The following CRACDL variants were observed in gnomAD, a reference collection of about 807,000 sequenced individuals.
The protein encoded by CRACDL is CRACD-like protein.
In CRACDL, 26 loss-of-function variants were observed where a neutral mutation model predicts 70.6. That is an observed-to-expected ratio of 0.37 (90% CI 0.27 to 0.51). The LOEUF is 0.51. Ranked by LOEUF, CRACDL falls within the 20% of genes least tolerant of loss-of-function variation. CRACDL has a pLI of 0.94. For missense variants in CRACDL, 1,283 were observed against 1,376.9 expected (o/e 0.93, Z 1.08); for synonymous variants, 618 against 615.2 (o/e 1.00, Z -0.07).
intron 1 of CRACDL, among the ~76,000 whole-genome samples, chr2:98,853,665 C>T (rs1706574281): frequency 1.3e-5 from 2 of 151,916 alleles, no homozygotes; most frequent in Admixed American, 1.3e-4. Flanking sequence ...TATTTAAATG[C>T]ATATAACAAC....
intron 1 of CRACDL, among the ~76,000 whole-genome samples, chr2:98,891,054 A>AAAATAAAT (rs542567722): frequency 3.3e-5 from 5 of 151,684 alleles, no homozygotes; most frequent in African/African-American, 7.3e-5. Flanking sequence ...CTCCATCTCA[A>AAAATAAAT]AAATAAATAA....
At chr2:98,902,907 G>T (rs1708316921) in intron 1 of CRACDL, among the ~76,000 whole-genome samples, 1 of 152,074 alleles carries the variant, frequency 6.6e-6, no homozygotes, top group African/African-American at 2.4e-5. Context: ...TTAGGAAAAC[G>T]AACCGACTGT....
At chr2:98,904,223 T>C (rs962961189) in intron 1 of CRACDL, among the ~76,000 whole-genome samples, 1 of 152,212 alleles carries the variant, frequency 6.6e-6, no homozygotes, top group African/African-American at 2.4e-5. Context: ...TTGCAATCCC[T>C]TTCCTTACTT....
rs539713404 is a variant in CRACDL at position 98,936,093 on chromosome 2, C to A, written c.-166G>T. 1.3e-5 allele frequency: 2 copies of A among 151,920 alleles called. No homozygotes were observed. The highest frequency in any genetic ancestry group is 1.3e-4 in the Admixed American group (2 of 15,272). 9.4% of individuals were successfully genotyped at this position (151,920 alleles called of 1,614,324 possible). ...AGGTGGCCGCGCGGCCTCCAGACAGCCCGGGTCTGCGGCCGAAGAGCTGGA... is the reference window on the plus strand; with the variant it reads ...AGGTGGCCGCGCGGCCTCCAGACAGACCGGGTCTGCGGCCGAAGAGCTGGA... On this transcript the variant is annotated 5_prime_UTR_variant, in exon 1 of 10. Transcript: ENST00000397899.
intron 1 of CRACDL, among the ~76,000 whole-genome samples, chr2:98,932,993 G>T (rs570843755): frequency 6.6e-6 from 1 of 152,320 alleles, no homozygotes; most frequent in African/African-American, 2.4e-5. Flanking sequence ...TTCTTGTCCT[G>T]CTTCCTGTGG....
chr2:98,929,343 G>A (rs1164645709), intron 1 of CRACDL, among the ~76,000 whole-genome samples: 2 of 152,174 alleles, frequency 1.3e-5, no homozygotes, highest in East Asian at 1.9e-4. Context: ...TGGCCCCTGT[G>A]CCCACCGCAC....
chr2:98,816,742 T>C lies in CRACDL; in HGVS notation c.2416+5115A>G, dbSNP rs1402139857. On this transcript the variant is annotated intron_variant, in intron 7 of 9. Coordinates refer to ENST00000397899, the MANE Select transcript of CRACDL (RefSeq NM_207362.3). ...AGGAAAGAGGCAGGGAAACAGAGGT[T>C]ACAGTGTTGATGACACTTGCTCAGA... is the stretch of plus-strand genomic sequence containing the variant. Among the ~76,000 whole-genome samples, 5 of 152,170 alleles carry C rather than the reference T, an allele frequency of 3.3e-5. No homozygotes were observed. The South Asian group carries it at 1.0e-3, about 32-fold the overall frequency.
Position 98,796,411 on chromosome 2 carries a change from C to G in CRACDL, c.2605-147G>C. On this transcript the variant is annotated intron_variant, in intron 8 of 9. Transcript: ENST00000397899. ...GGGAGGGCGCCCTGGTGTCAGCTCACTAACACCGAGTGGTCAGATGCTGGC... is the reference window on the plus strand; with the variant it reads ...GGGAGGGCGCCCTGGTGTCAGCTCAGTAACACCGAGTGGTCAGATGCTGGC... 3 of 724,868 alleles carry G rather than the reference C, an allele frequency of 4.1e-6. No homozygotes were observed. In the Middle Eastern group the frequency reaches 1.2e-3, roughly 288 times the overall value. 44.9% of individuals were successfully genotyped at this position (724,868 alleles called of 1,614,324 possible).
At chr2:98,848,587 C>A (rs547356049) in intron 1 of CRACDL, among the ~76,000 whole-genome samples, 1 of 152,272 alleles carries the variant, frequency 6.6e-6, no homozygotes, top group East Asian at 1.9e-4. Flanking sequence ...GCAGCTATCA[C>A]CTGAATTATC....
chr2:98,827,137 G>A lies in CRACDL; in HGVS notation c.573C>T (p.Asp191=). ...CTGAGATCCGGGCAGAGACGGTGCTGTCGCTCACGTGGTCTGGAGACACGA... is the reference window on the plus strand; with the variant it reads ...CTGAGATCCGGGCAGAGACGGTGCTATCGCTCACGTGGTCTGGAGACACGA... ...VSVVSPDHVS[D]STVSARISDN... The change falls in exon 6 of 10, where the codon GAC becomes GAT. Residue 191 remains aspartate, a synonymous_variant. Coordinates refer to ENST00000397899, the MANE Select transcript of CRACDL (RefSeq NM_207362.3). 6.2e-7 allele frequency: 1 copy of A among 1,614,104 alleles called. No individual in the cohort carries two copies. The highest frequency in any genetic ancestry group is 8.5e-7 in the Non-Finnish European group (1 of 1,179,988).
intron 7 of CRACDL, among the ~76,000 whole-genome samples, chr2:98,802,489 G>A (rs929935794): frequency 1.3e-5 from 2 of 151,024 alleles, no homozygotes; most frequent in East Asian, 1.9e-4. Context: ...ATTTGTATTC[G>A]GGAAGATCTA....
At chr2:98,859,007 A>G (rs1358435685) in intron 1 of CRACDL, among the ~76,000 whole-genome samples, 1 of 152,206 alleles carries the variant, frequency 6.6e-6, no homozygotes, top group Non-Finnish European at 1.5e-5. Flanking sequence ...ACTTTCCACA[A>G]AGAAGAATCC....
chr2:98,796,015 T>A (rs1703802237), intron 9 of CRACDL, 105 bp downstream of exon 9: 6 of 1,028,374 alleles, frequency 5.8e-6, no homozygotes, highest in Middle Eastern at 2.2e-4. Flanking sequence ...GAAAACTCAA[T>A]GTTGCAAGTA....
chr2:98,928,332 C>T (rs1032903565), intron 1 of CRACDL, among the ~76,000 whole-genome samples: 25 of 152,196 alleles, frequency 1.6e-4, no homozygotes, highest in Non-Finnish European at 2.9e-4. Flanking sequence ...GAAGGCTCTG[C>T]CCCAAATGTT....
intron 1 of CRACDL, among the ~76,000 whole-genome samples, chr2:98,895,786 G>C (rs374937012): frequency 7.9e-5 from 12 of 152,224 alleles, no homozygotes; most frequent in Admixed American, 2.6e-4. Flanking sequence ...CTCAAAATTC[G>C]TGTGTTGAAA....
At chr2:98,917,627 C>T (rs1286362067) in intron 1 of CRACDL, among the ~76,000 whole-genome samples, 1 of 152,196 alleles carries the variant, frequency 6.6e-6, no homozygotes, top group African/African-American at 2.4e-5. Flanking sequence ...TTTATTTCTC[C>T]TTTTACGAGC....
intron 7 of CRACDL, among the ~76,000 whole-genome samples, chr2:98,815,493 G>A (rs1225711691): frequency 6.6e-6 from 1 of 152,194 alleles, no homozygotes; most frequent in Non-Finnish European, 1.5e-5. Context: ...ACCTTCTTGT[G>A]ACTGGGACCA....
At chr2:98,848,784 C>T (rs1252021766) in intron 1 of CRACDL, among the ~76,000 whole-genome samples, 4 of 152,158 alleles carry the variant, frequency 2.6e-5, no homozygotes, top group Non-Finnish European at 5.9e-5. Flanking sequence ...AACGGGGTTT[C>T]GCCATGTTGG....
At chr2:98,913,711 G>A (rs1487182503) in intron 1 of CRACDL, among the ~76,000 whole-genome samples, 1 of 152,108 alleles carries the variant, frequency 6.6e-6, no homozygotes, top group Non-Finnish European at 1.5e-5. Flanking sequence ...GAAAGCCCTA[G>A]CAAATGTACA....
Sources: gnomAD v4.1 joint callset for allele counts (sites outside exome capture counted in the v4.1 genomes callset) on GRCh38, gnomAD v4.1.1 for gene constraint, MANE v1.5 for transcripts, NCBI Gene and HGNC (gene_info 2026-07-23, HGNC 2026-07-21) for gene names.